The following WWOX variants were observed in gnomAD, a reference collection of about 807,000 sequenced individuals.
WWOX encodes the protein WW domain containing oxidoreductase.
A neutral mutation model predicts 46.2 loss-of-function variants in WWOX; 69 were observed. The ratio of observed to expected loss-of-function variants is 1.49; its 90% CI spans 1.23 to 1.82. WWOX has a LOEUF of 1.82. Among genes scored for constraint, WWOX ranks in the 40% most tolerant of loss-of-function variants. The pLI, the probability that WWOX is intolerant of heterozygous loss-of-function variation, is 0.00. For missense variants in WWOX, 919 were observed against 542.6 expected (o/e 1.69, Z -6.89); for synonymous variants, 359 against 202.6 (o/e 1.77, Z -6.56).
chr16:79,007,350 G>A (rs186160795), intron 8 of WWOX, among the ~76,000 whole-genome samples: 48 of 152,312 alleles, frequency 3.2e-4, no homozygotes, highest in Admixed American at 1.8e-3. Flanking sequence ...ATGATGTGAA[G>A]AACTGGAAAG....
intron 8 of WWOX, among the ~76,000 whole-genome samples, chr16:78,743,074 C>T (rs562346012): frequency 1.1e-4 from 17 of 152,094 alleles, no homozygotes; most frequent in East Asian, 5.9e-4. Context: ...GAAGTGAACC[C>T]GATCAGCCCC....
chr16:78,465,870 G>A (rs2084063967), intron 8 of WWOX, among the ~76,000 whole-genome samples: 2 of 152,138 alleles, frequency 1.3e-5, no homozygotes, highest in African/African-American at 4.8e-5. Context: ...AATTAAAAGA[G>A]ACTAACACAT....
intron 5 of WWOX, among the ~76,000 whole-genome samples, chr16:78,253,799 G>C (rs977810700): frequency 2.0e-5 from 3 of 152,156 alleles, no homozygotes; most frequent in African/African-American, 7.2e-5. Flanking sequence ...AAACCCAAGA[G>C]ATTAATTGTA....
At chr16:78,924,597 A>T (rs543330721) in intron 8 of WWOX, among the ~76,000 whole-genome samples, 2 of 152,316 alleles carry the variant, frequency 1.3e-5, no homozygotes, top group Admixed American at 6.5e-5. Flanking sequence ...CAGTATTGGT[A>T]AAAACATATA....
intron 8 of WWOX, chr16:78,552,115 A>C (rs1328228692): frequency 6.6e-6 from 1 of 152,094 alleles, no homozygotes; most frequent in Non-Finnish European, 1.5e-5. Context: ...TGGCCTGATG[A>C]CCCAGGGACC....
At chr16:78,218,666 A>C (rs1275292465) in intron 5 of WWOX, among the ~76,000 whole-genome samples, 3 of 152,204 alleles carry the variant, frequency 2.0e-5, no homozygotes, top group Non-Finnish European at 4.4e-5. Flanking sequence ...TATGATGTGT[A>C]GCGTGGTCTC....
At chr16:78,722,020 A>AG (rs1305146255) in intron 8 of WWOX, among the ~76,000 whole-genome samples, 2 of 152,200 alleles carry the variant, frequency 1.3e-5, no homozygotes, top group Non-Finnish European at 2.9e-5. Context: ...TTTTTCTAGA[A>AG]GGTGGTATTT....
chr16:78,190,540 A>G (rs1237404719), intron 5 of WWOX, among the ~76,000 whole-genome samples: 1 of 152,160 alleles, frequency 6.6e-6, no homozygotes, highest in Non-Finnish European at 1.5e-5. Context: ...CATGATGGCT[A>G]CAGTGCACAT....
chr16:78,611,689 A>C (rs1380786714), intron 8 of WWOX, among the ~76,000 whole-genome samples: 1 of 152,246 alleles, frequency 6.6e-6, no homozygotes, highest in East Asian at 1.9e-4. Flanking sequence ...ACAGTTCCAA[A>C]TATCAGTGCT....
At chr16:78,453,492 A>G (rs185325807) in intron 8 of WWOX, among the ~76,000 whole-genome samples, 11 of 152,328 alleles carry the variant, frequency 7.2e-5, no homozygotes, top group Admixed American at 2.6e-4. Flanking sequence ...AGCTAGCGGT[A>G]GAAATGCGAA....
At chr16:79,187,406 C>A (rs1483724479) in intron 8 of WWOX, among the ~76,000 whole-genome samples, 1 of 152,140 alleles carries the variant, frequency 6.6e-6, no homozygotes, top group Non-Finnish European at 1.5e-5. Context: ...TGCTTTTGTT[C>A]TGTTGTGTTT....
chr16:78,925,855 G>A (rs1458427030), intron 8 of WWOX, among the ~76,000 whole-genome samples: 1 of 152,092 alleles, frequency 6.6e-6, no homozygotes, highest in East Asian at 1.9e-4. Context: ...ACCAGGATTT[G>A]GTCATTTCTT....
intron 8 of WWOX, among the ~76,000 whole-genome samples, chr16:78,956,729 A>T (rs565112209): frequency 7.9e-5 from 12 of 152,224 alleles, no homozygotes; most frequent in African/African-American, 2.9e-4. Flanking sequence ...TTTGAGTTTC[A>T]AAAGTGTGCC....
chr16:78,987,222 T>C (rs1362325255), intron 8 of WWOX, among the ~76,000 whole-genome samples: 1 of 152,236 alleles, frequency 6.6e-6, no homozygotes, highest in African/African-American at 2.4e-5. Context: ...AGTCAGTTTA[T>C]AAGTAGGCTG....
intron 8 of WWOX, among the ~76,000 whole-genome samples, chr16:78,609,774 G>C (rs142353096): frequency 6.6e-6 from 1 of 152,204 alleles, no homozygotes; most frequent in African/African-American, 2.4e-5. Flanking sequence ...AGTACAGGAA[G>C]CTATACCATG....
At chr16:78,996,347 TAGAA>T (rs1164320095) in intron 8 of WWOX, 2 of 974,570 alleles carry the variant, frequency 2.1e-6, no homozygotes, top group East Asian at 1.2e-4. Context: ...AAGGATGAAA[TAGAA>T]AGAGTGTGAG....
At chr16:78,177,478 C>T (rs962748390) in intron 5 of WWOX, among the ~76,000 whole-genome samples, 21 of 152,088 alleles carry the variant, frequency 1.4e-4, no homozygotes, top group African/African-American at 4.8e-4. Flanking sequence ...AGGATGGTTG[C>T]AGGAGAAAGT....
At chr16:78,562,261 C>G (rs2859625) in intron 8 of WWOX, among the ~76,000 whole-genome samples, 1 of 152,226 alleles carries the variant, frequency 6.6e-6, no homozygotes, top group Non-Finnish European at 1.5e-5. Flanking sequence ...GCCTCTAGCT[C>G]TCACACTGCA....
rs766163069 is a variant in WWOX at position 78,432,667 on chromosome 16, G to A, written c.971G>A (p.Gly324Glu). The A allele has an allele frequency of 2.5e-6, 4 of 1,614,076 alleles. No homozygotes were observed. The highest frequency in any genetic ancestry group is 1.1e-5 in the South Asian group (1 of 91,088). ...RGVTSNAVHP[G>E]NMMYSNIHRS... ...GTCACGTCGAACGCAGTGCATCCTGGAAATATGATGTACTCCAACATTCAT... is the reference window on the plus strand; with the variant it reads ...GTCACGTCGAACGCAGTGCATCCTGAAAATATGATGTACTCCAACATTCAT... Residue 324 changes from glycine to glutamate, a missense_variant, in exon 8 of 9, where the codon GGA becomes GAA. Gly to Glu is a moderately conservative substitution (Grantham distance 98). Coordinates refer to ENST00000566780, the MANE Select transcript of WWOX (RefSeq NM_016373.4).
Sources: gnomAD v4.1 joint callset for allele counts (sites outside exome capture counted in the v4.1 genomes callset) on GRCh38, gnomAD v4.1.1 for gene constraint, MANE v1.5 for transcripts, NCBI Gene and HGNC (gene_info 2026-07-23, HGNC 2026-07-21) for gene names.